Variants in ZNF782 observed in about 807,000 individuals in gnomAD.
ZNF782 encodes the protein zinc finger protein 782.
In ZNF782, 12 loss-of-function variants were observed where a neutral mutation model predicts 13.0. The observed-to-expected ratio is 0.92, with a 90% CI of 0.59 to 1.50. The LOEUF is 1.50. Ranked by LOEUF, ZNF782 falls within the 40% of genes most tolerant of loss-of-function variation. The pLI, the probability that ZNF782 is intolerant of heterozygous loss-of-function variation, is 0.00. For synonymous variants in ZNF782, 284 were observed against 283.0 expected (o/e 1.00, Z -0.04); for missense variants, 770 against 822.9 (o/e 0.94, Z 0.79).
chr9:96,928,565 CA>C, the ZNF782 span: 1 of 202,504 alleles, frequency 4.9e-6, no homozygotes. Context: ...TGAAATTCAT[CA>C]AGAGTGGGAA....
intron 1 of ZNF782, chr9:96,875,402 G>A (rs939533565): frequency 2.1e-4 from 96 of 451,122 alleles, no homozygotes; most frequent in African/African-American, 1.7e-3. Flanking sequence ...CATGAAGCAG[G>A]CATTAACACC....
the ZNF782 span, among the ~76,000 whole-genome samples, chr9:96,882,927 T>C: frequency 2.6e-5 from 4 of 152,174 alleles, no homozygotes; most frequent in African/African-American, 4.8e-5. Flanking sequence ...CTCTCTTTGA[T>C]TTGGATAATC....
the ZNF782 span, among the ~76,000 whole-genome samples, chr9:96,926,641 C>T: frequency 1.3e-5 from 2 of 151,628 alleles, no homozygotes; most frequent in Non-Finnish European, 2.9e-5. Flanking sequence ...GGGACAAAAC[C>T]GAGAACTCAT....
the ZNF782 span, among the ~76,000 whole-genome samples, chr9:96,925,792 C>CA: frequency 6.7e-6 from 1 of 149,518 alleles, no homozygotes; most frequent in Non-Finnish European, 1.5e-5. Context: ...TCTATGACGG[C>CA]CTAGGGCCTC....
At chr9:96,898,572 A>AG in the ZNF782 span, among the ~76,000 whole-genome samples, 5 of 148,512 alleles carry the variant, frequency 3.4e-5, no homozygotes, top group Non-Finnish European at 5.9e-5. Flanking sequence ...TTTGAGACAC[A>AG]GTCTCCCTCT....
upstream of ZNF782, among the ~76,000 whole-genome samples, chr9:96,877,572 CCGCGTCCGAG>C (rs942818382): frequency 1.3e-5 from 2 of 152,256 alleles, no homozygotes; most frequent in African/African-American, 4.8e-5. Flanking sequence ...CCCCATAGGC[CCGCGTCCGAG>C]CGCGTCCTCA....
In ZNF782 at chr9:96,817,832, A is replaced by C; in HGVS notation, c.*91T>G. On this transcript the variant is annotated 3_prime_UTR_variant, in exon 6 of 6. Coordinates refer to ENST00000481138, the MANE Select transcript of ZNF782 (RefSeq NM_001001662.3). ...TGTAGAGGAAATTCCAGTGCTCACTATGTTAACAGTTCTCTCCTGTGTGTT... is the reference window on the plus strand; with the variant it reads ...TGTAGAGGAAATTCCAGTGCTCACTCTGTTAACAGTTCTCTCCTGTGTGTT... 55 of 1,075,282 alleles carry C rather than the reference A, an allele frequency of 5.1e-5. No homozygotes were observed. Among genetic ancestry groups the C allele is most frequent in the Non-Finnish European group, 7.0e-5 (53 of 753,332 alleles). The allele number at this position is 1,075,282 out of a possible 1,614,324, so 66.6% of individuals were successfully genotyped here. A position where few individuals can be genotyped will look rare whatever the true frequency, so the allele number is the denominator to read the frequency against.
At chr9:96,843,978 TAAA>T (rs888185189) in intron 4 of ZNF782, among the ~76,000 whole-genome samples, 2 of 152,138 alleles carry the variant, frequency 1.3e-5, no homozygotes, top group Non-Finnish European at 2.9e-5. Context: ...ACTGGTCACT[TAAA>T]GAAGATTTAT....
intron 4 of ZNF782, among the ~76,000 whole-genome samples, chr9:96,838,648 A>G (rs1187148777): frequency 6.6e-6 from 1 of 151,808 alleles, no homozygotes; most frequent in East Asian, 1.9e-4. Context: ...CATGTTGTGA[A>G]GTCTGCTTTG....
chr9:96,908,477 A>G, the ZNF782 span, among the ~76,000 whole-genome samples: 2 of 152,170 alleles, frequency 1.3e-5, no homozygotes, highest in Non-Finnish European at 2.9e-5. Context: ...ACAGTCTTGG[A>G]AAAAAATTAA....
At chr9:96,826,936 C>G in intron 5 of ZNF782, 144 bp downstream of exon 5, 1 of 526,706 alleles carries the variant, frequency 1.9e-6, no homozygotes, top group African/African-American at 1.9e-5. Flanking sequence ...ACGAACTTTG[C>G]CCCATGCACC....
chr9:96,876,404 T>C (rs536428216), upstream of ZNF782, among the ~76,000 whole-genome samples: 68 of 152,314 alleles, frequency 4.5e-4, no homozygotes, highest in Non-Finnish European at 9.1e-4. Context: ...TGGCTATAGA[T>C]AGATGCTCAT....
the ZNF782 span, chr9:96,894,825 T>G: frequency 2.6e-5 from 4 of 152,244 alleles, no homozygotes; most frequent in African/African-American, 9.7e-5. Context: ...ACTCCTGGGC[T>G]CAAGAGACCC....
chr9:96,845,878 C>A (rs1268101025), intron 3 of ZNF782, among the ~76,000 whole-genome samples: 1 of 152,218 alleles, frequency 6.6e-6, no homozygotes, highest in Non-Finnish European at 1.5e-5. Flanking sequence ...GCAAAAAGAT[C>A]TTCACCAAAG....
At chr9:96,839,904 G>T (rs986838352) in intron 4 of ZNF782, among the ~76,000 whole-genome samples, 1 of 152,062 alleles carries the variant, frequency 6.6e-6, no homozygotes, top group African/African-American at 2.4e-5. Context: ...CACACTTTTA[G>T]CCAATTAGTC....
intron 1 of ZNF782, among the ~76,000 whole-genome samples, chr9:96,864,116 GTATATATATATATTT>G (rs909255419): frequency 6.8e-5 from 10 of 146,200 alleles, no homozygotes; most frequent in African/African-American, 2.5e-4. Context: ...TATATAAAAC[GTATATATATATATTT>G]TATATATATA....
At position 96,842,210 on chromosome 9, in the gene ZNF782, A is replaced by C. The variant is rs149236569; in HGVS notation, c.142+2680T>G. Among the ~76,000 whole-genome samples the C allele has an allele frequency of 5.3e-5, 8 of 152,172 alleles. No individual in the cohort carries two copies. In the East Asian group the frequency reaches 1.5e-3, roughly 29 times the overall value. On this transcript the variant is annotated intron_variant, in intron 4 of 5. Coordinates refer to ENST00000481138, the MANE Select transcript of ZNF782 (RefSeq NM_001001662.3). ...AATCAAGATCTAAGTAAATGGAGAAATATATTGTGTTTATGGATTATAAGC... is the reference window on the plus strand; with the variant it reads ...AATCAAGATCTAAGTAAATGGAGAACTATATTGTGTTTATGGATTATAAGC...
At chr9:96,838,018 G>C (rs936905548) in intron 4 of ZNF782, among the ~76,000 whole-genome samples, 1 of 152,126 alleles carries the variant, frequency 6.6e-6, no homozygotes, top group Non-Finnish European at 1.5e-5. Flanking sequence ...TAGCCTCTGT[G>C]CCCTGCCTTT....
At chr9:96,910,248 A>T in the ZNF782 span, 1 of 654,784 alleles carries the variant, frequency 1.5e-6, no homozygotes. Context: ...GAAGGGGAAG[A>T]AAGTGGGGAG....
Sources: gnomAD v4.1 joint callset for allele counts (sites outside exome capture counted in the v4.1 genomes callset) on GRCh38, gnomAD v4.1.1 for gene constraint, MANE v1.5 for transcripts, NCBI Gene and HGNC (gene_info 2026-07-23, HGNC 2026-07-21) for gene names.